FNBP1L: variants seen among roughly 807,000 people sequenced by gnomAD.
The protein encoded by FNBP1L is formin-binding protein 1-like.
In FNBP1L, 36 loss-of-function variants were observed where a neutral mutation model predicts 91.2. The ratio of observed to expected loss-of-function variants is 0.39; its 90% CI spans 0.30 to 0.52. The LOEUF (loss-of-function observed/expected upper bound fraction) is 0.52, where lower values mean the gene tolerates loss of function less well. FNBP1L is among the 20% of genes least tolerant of loss of function. The probability of loss-of-function intolerance (pLI) is 0.66; values close to 1 mark genes in which losing one functional copy is unlikely to be tolerated. For synonymous variants in FNBP1L, 242 were observed against 237.0 expected (o/e 1.02, Z -0.19); for missense variants, 571 against 732.1 (o/e 0.78, Z 2.54).
At position 93,459,139 on chromosome 1, in the gene FNBP1L, G is replaced by A. The variant is rs12404073; in HGVS notation, c.24+10834G>A. Among the ~76,000 whole-genome samples, 949 of 152,252 alleles carry A rather than the reference G, an allele frequency of 6.2e-3. 22 individuals carry two copies. The highest frequency in any genetic ancestry group is 0.036 in the Admixed American group (547 of 15,292). On this transcript the variant is annotated intron_variant, in intron 1 of 16. Transcript: ENST00000271234. ...AAAATACAGAAATTAGCCAGGTGTG[G>A]TGGCATGCACCTGTAATCCCAGCTA... is the stretch of plus-strand genomic sequence containing the variant.
chr1:93,535,595 A>T (rs1671821058), intron 9 of FNBP1L, among the ~76,000 whole-genome samples: 1 of 152,110 alleles, frequency 6.6e-6, no homozygotes, highest in South Asian at 2.1e-4. Context: ...ATTAAAGTAT[A>T]CTTGATTATT....
At chr1:93,513,753 A>C (rs1670955023) in intron 2 of FNBP1L, among the ~76,000 whole-genome samples, 1 of 152,260 alleles carries the variant, frequency 6.6e-6, no homozygotes, top group African/African-American at 2.4e-5. Context: ...TAAATTAGAT[A>C]TTGATGGGAC....
chr1:93,491,057 A>G (rs1047643436), intron 1 of FNBP1L, among the ~76,000 whole-genome samples: 9 of 151,674 alleles, frequency 5.9e-5, no homozygotes, highest in Admixed American at 3.9e-4. Context: ...CTCCCACCTC[A>G]GCCTCCAGAG....
Position 93,551,267 on chromosome 1 carries a change from A to G in FNBP1L, c.1810+162A>G. 1.6e-6 allele frequency: 2 copies of G among 1,288,456 alleles called. 1 individual carries two copies. Among genetic ancestry groups the G allele is most frequent in the South Asian group, 6.2e-5 (2 of 32,262 alleles). 79.8% of individuals were successfully genotyped at this position (1,288,456 alleles called of 1,614,324 possible). ...ACTATGTGAGCTGAGTGTAGGCTTG[A>G]TCTTGTGAATATTACCACAAGAAAC... is the stretch of plus-strand genomic sequence containing the variant. On this transcript the variant is annotated intron_variant, in intron 16 of 16. Transcript: ENST00000271234.
intron 16 of FNBP1L, chr1:93,551,831 C>T (rs1672425945): frequency 1.0e-6 from 1 of 985,362 alleles, no homozygotes; most frequent in Non-Finnish European, 1.2e-6. Flanking sequence ...TACAAGCTTC[C>T]TTCCAAACTA....
intron 1 of FNBP1L, among the ~76,000 whole-genome samples, chr1:93,463,665 T>A (rs1444522591): frequency 2.6e-5 from 4 of 152,180 alleles, no homozygotes; most frequent in Non-Finnish European, 5.9e-5. Context: ...TTCCAGTATA[T>A]ATGTATTGCA....
Position 93,552,438 on chromosome 1 carries a change from G to C in FNBP1L, c.*22G>C. 1.9e-6 allele frequency: 3 copies of C among 1,612,448 alleles called. No individual in the cohort carries two copies. The highest frequency in any genetic ancestry group is 2.5e-6 in the Non-Finnish European group (3 of 1,179,186). On this transcript the variant is annotated 3_prime_UTR_variant, in exon 17 of 17. Coordinates refer to ENST00000271234, the MANE Select transcript of FNBP1L (RefSeq NM_001164473.3). ...CTGAAGAGGGTTTCTGAGGAAATGG[G>C]CAAGATGTTGAAGGAGGTTACATGC... is the stretch of plus-strand genomic sequence containing the variant.
chr1:93,518,609 A>C (rs1671210828), intron 2 of FNBP1L, among the ~76,000 whole-genome samples: 1 of 152,202 alleles, frequency 6.6e-6, no homozygotes, highest in South Asian at 2.1e-4. Flanking sequence ...AAGAAGATTA[A>C]AAAGTAGATA....
At chr1:93,511,704 C>G (rs989763483) in intron 2 of FNBP1L, among the ~76,000 whole-genome samples, 6 of 152,276 alleles carry the variant, frequency 3.9e-5, no homozygotes, top group Non-Finnish European at 7.4e-5. Flanking sequence ...CGGTGGCTCA[C>G]GCCTGTAATC....
At chr1:93,485,427 G>A (rs979399989) in intron 1 of FNBP1L, among the ~76,000 whole-genome samples, 15 of 152,082 alleles carry the variant, frequency 9.9e-5, no homozygotes, top group African/African-American at 3.6e-4. Flanking sequence ...TATATATTGA[G>A]TTTGCTAGAA....
chr1:93,515,272 C>A (rs1266830228), intron 2 of FNBP1L, among the ~76,000 whole-genome samples: 2 of 151,802 alleles, frequency 1.3e-5, no homozygotes, highest in African/African-American at 4.8e-5. Context: ...ACAACAGGTG[C>A]TGGAGAGGAT....
chr1:93,524,225 A>AT (rs1671425078), intron 4 of FNBP1L, 36 bp from the exon 5 acceptor site: 7 of 1,417,040 alleles, frequency 4.9e-6, no homozygotes, highest in Non-Finnish European at 1.9e-6. Flanking sequence ...TTTATTTTTT[A>AT]TTTTTATTTT....
rs1668328033 is a variant in FNBP1L at position 93,448,120 on chromosome 1, T to G, written c.-162T>G. 2.3e-6 allele frequency: 2 copies of G among 855,336 alleles called. No individual in the cohort carries two copies. The highest frequency in any genetic ancestry group is 3.5e-6 in the Non-Finnish European group (2 of 573,340). The allele number at this position is 855,336 out of a possible 1,614,324, so 53.0% of individuals were successfully genotyped here. On this transcript the variant is annotated 5_prime_UTR_variant, in exon 1 of 17. Coordinates refer to ENST00000271234, the MANE Select transcript of FNBP1L (RefSeq NM_001164473.3). ...GCGTCGGCGGCGGAGGCTTCTCCAG[T>G]CGCGTCTTTCTCACTCACTGGGGAG...
intron 1 of FNBP1L, among the ~76,000 whole-genome samples, chr1:93,498,147 CTT>C (rs1403835784): frequency 6.6e-6 from 1 of 151,936 alleles, no homozygotes; most frequent in Non-Finnish European, 1.5e-5. Flanking sequence ...AATTTGGAGA[CTT>C]AATCTAGAGG....
chr1:93,515,086 C>T (rs985901418), intron 2 of FNBP1L, among the ~76,000 whole-genome samples: 3 of 152,092 alleles, frequency 2.0e-5, no homozygotes, highest in Non-Finnish European at 4.4e-5. Context: ...AAAACAACCC[C>T]ATCAAAAAGT....
At chr1:93,509,153 A>G (rs967630008) in intron 2 of FNBP1L, among the ~76,000 whole-genome samples, 3 of 152,220 alleles carry the variant, frequency 2.0e-5, no homozygotes, top group Admixed American at 6.5e-5. Flanking sequence ...ATGTTAGGCT[A>G]TACTAGAATG....
chr1:93,448,416 G>A (rs992446024), intron 1 of FNBP1L, 111 bp downstream of exon 1: 64 of 1,216,908 alleles, frequency 5.3e-5, no homozygotes, highest in Non-Finnish European at 6.8e-5. Context: ...TCCTCGGTCC[G>A]GCGCTGGCGG....
chr1:93,486,324 A>G (rs963658803), intron 1 of FNBP1L, among the ~76,000 whole-genome samples: 1 of 152,206 alleles, frequency 6.6e-6, no homozygotes, highest in Non-Finnish European at 1.5e-5. Context: ...AATCACTTGC[A>G]TGTTGAGATG....
chr1:93,538,634 G>T (rs956438631), intron 10 of FNBP1L, among the ~76,000 whole-genome samples: 1 of 151,258 alleles, frequency 6.6e-6, no homozygotes, highest in African/African-American at 2.4e-5. Flanking sequence ...TTCCACATAA[G>T]AATTTTCTCA....
Sources: allele counts gnomAD v4.1 joint callset (sites outside exome capture counted in the v4.1 genomes callset), GRCh38; gene constraint gnomAD v4.1.1; transcripts MANE v1.5; gene names NCBI Gene and HGNC (gene_info 2026-07-23, HGNC 2026-07-21).